RYR3: variants seen among roughly 807,000 people sequenced by gnomAD.
RYR3 encodes the protein brain ryanodine receptor-calcium release channel.
RYR3 carries 207 observed loss-of-function variants against 584.3 expected under a neutral mutation model. The observed-to-expected ratio is 0.35, with a 90% confidence interval of 0.32 to 0.40. The LOEUF (loss-of-function observed/expected upper bound fraction) is 0.40, where lower values mean the gene tolerates loss of function less well. Among genes scored for constraint, RYR3 ranks in the 10% least tolerant of loss-of-function variants. RYR3 has a pLI of 1.00. For missense variants in RYR3, 5,616 were observed against 6,089.2 expected (o/e 0.92, Z 2.59); for synonymous variants, 2,416 against 2,248.5 (o/e 1.07, Z -2.11).
chr15:33,401,669 C>T lies in RYR3; in HGVS notation c.52-71750C>T, dbSNP rs572392706. 1.6e-4 allele frequency among the ~76,000 whole-genome samples: 24 copies of T among 152,312 alleles called. 1 individual carries two copies. Among genetic ancestry groups the T allele is most frequent in the Non-Finnish European group, 2.8e-4 (19 of 68,032 alleles). ...GAAAAAGGATATGTCACCTTTAAGACGTGGACCACCATTTAACAGTTTTGA... is the reference window on the plus strand; with the variant it reads ...GAAAAAGGATATGTCACCTTTAAGATGTGGACCACCATTTAACAGTTTTGA... On this transcript the variant is annotated intron_variant, in intron 1 of 103. Transcript: ENST00000634891.
Position 33,838,558 on chromosome 15 carries a change from TG to T in RYR3, c.12582del (p.Leu4195TyrfsTer26), listed in dbSNP as rs1567288688. On this transcript the variant is annotated frameshift_variant, in exon 89 of 104. Transcript: ENST00000634891. LOFTEE classifies it high-confidence loss of function. ...VLFSFFWMLF[V>X]GLFQLLFTIL... ...TTCTCCTTTTTCTGGATGCTGTTCGTGGGGCTATTCCAGTTGCTCTTCACCA... is the reference window on the plus strand; with the variant it reads ...TTCTCCTTTTTCTGGATGCTGTTCGTGGGCTATTCCAGTTGCTCTTCACCA... The T allele has an allele frequency of 1.2e-6, 2 of 1,613,928 alleles. No individual in the cohort carries two copies. Among genetic ancestry groups the T allele is most frequent in the Non-Finnish European group, 1.7e-6 (2 of 1,179,868 alleles).
intron 72 of RYR3, among the ~76,000 whole-genome samples, chr15:33,811,403 G>T (rs543408919): frequency 6.6e-6 from 1 of 152,000 alleles, no homozygotes; most frequent in African/African-American, 2.4e-5. Flanking sequence ...TACTTGGGAG[G>T]CTGAGGCAGA....
At chr15:33,559,208 G>A (rs2057272120) in intron 10 of RYR3, among the ~76,000 whole-genome samples, 1 of 152,086 alleles carries the variant, frequency 6.6e-6, no homozygotes, top group South Asian at 2.1e-4. Context: ...CCCTGGAAAG[G>A]ACAGTCCGTT....
At chr15:33,469,321 T>C (rs968432955) in intron 1 of RYR3, among the ~76,000 whole-genome samples, 3 of 152,086 alleles carry the variant, frequency 2.0e-5, no homozygotes, top group African/African-American at 7.2e-5. Context: ...GATGATAGTT[T>C]GGAAATGTGG....
intron 43 of RYR3, among the ~76,000 whole-genome samples, chr15:33,716,712 CT>C (rs1567012983): frequency 6.6e-6 from 1 of 152,212 alleles, no homozygotes. Flanking sequence ...TCCAAGGCCC[CT>C]GTGGGATTCC....
intron 62 of RYR3, among the ~76,000 whole-genome samples, chr15:33,770,369 T>G (rs890228128): frequency 1.3e-5 from 2 of 152,142 alleles, no homozygotes; most frequent in African/African-American, 4.8e-5. Flanking sequence ...TTTTGTTTGT[T>G]TGTTTTATTT....
chr15:33,762,068 C>A (rs999085426), intron 60 of RYR3, among the ~76,000 whole-genome samples: 2 of 152,154 alleles, frequency 1.3e-5, no homozygotes, highest in Admixed American at 6.6e-5. Context: ...CCCCTTCATG[C>A]TAAAAACACT....
intron 1 of RYR3, among the ~76,000 whole-genome samples, chr15:33,368,526 G>A (rs2141068961): frequency 6.6e-6 from 1 of 152,074 alleles, no homozygotes; most frequent in Middle Eastern, 3.4e-3. Flanking sequence ...ATCTTCCCAA[G>A]GCTGTTGAAG....
At chr15:33,859,320 T>C (rs2080083980) in intron 99 of RYR3, among the ~76,000 whole-genome samples, 2 of 152,240 alleles carry the variant, frequency 1.3e-5, no homozygotes, top group Non-Finnish European at 2.9e-5. Context: ...TTAACTTATA[T>C]ACACCTTTAA....
intron 43 of RYR3, among the ~76,000 whole-genome samples, chr15:33,714,315 CTCTT>C (rs1257980959): frequency 2.6e-5 from 4 of 152,126 alleles, no homozygotes; most frequent in East Asian, 1.9e-4. Context: ...AATTAGAAAA[CTCTT>C]TCTAACATTA....
At chr15:33,528,074 A>T (rs1021352666) in intron 3 of RYR3, among the ~76,000 whole-genome samples, 1 of 151,178 alleles carries the variant, frequency 6.6e-6, no homozygotes, top group Non-Finnish European at 1.5e-5. Flanking sequence ...GAATGAGACT[A>T]TTTTTTTTTC....
At chr15:33,425,652 T>TTTC (rs1264035156) in intron 1 of RYR3, among the ~76,000 whole-genome samples, 1 of 131,256 alleles carries the variant, frequency 7.6e-6, no homozygotes, top group Non-Finnish European at 1.7e-5. Flanking sequence ...TTTTTTTTTT[T>TTTC]TTTTTTTGAG....
intron 3 of RYR3, among the ~76,000 whole-genome samples, 176 bp downstream of exon 3, chr15:33,503,914 T>C (rs959510040): frequency 6.6e-6 from 1 of 152,244 alleles, no homozygotes; most frequent in African/African-American, 2.4e-5. Context: ...ACCCTACTTC[T>C]GCTTCCTCTG....
intron 1 of RYR3, among the ~76,000 whole-genome samples, chr15:33,327,443 T>C (rs888869679): frequency 6.6e-6 from 1 of 152,340 alleles, no homozygotes; most frequent in Admixed American, 6.5e-5. Flanking sequence ...CTACCCTCGC[T>C]CTGGCCCTTT....
Position 33,539,393 on chromosome 15 carries a change from G to A in RYR3, c.477G>A (p.Arg159=), listed in dbSNP as rs1319518595. 1.9e-6 allele frequency: 3 copies of A among 1,602,248 alleles called. No individual in the cohort carries two copies. The highest frequency in any genetic ancestry group is 2.6e-6 in the Non-Finnish European group (3 of 1,174,116). The change falls in exon 6 of 104, where the codon AGG becomes AGA. Residue 159 remains arginine, a synonymous_variant. Coordinates refer to ENST00000634891, the MANE Select transcript of RYR3 (RefSeq NM_001036.6). ...WWTIHPASKQ[R]SEGEKVRIGD... Reference sequence around the variant, plus strand: ...CTATACATCCTGCTTCCAAACAGAGGTCCGAAGGAGAGAAAGTTCGAATTG... The same window carrying A: ...CTATACATCCTGCTTCCAAACAGAGATCCGAAGGAGAGAAAGTTCGAATTG...
chr15:33,528,387 G>A (rs2054574791), intron 3 of RYR3, among the ~76,000 whole-genome samples: 1 of 152,128 alleles, frequency 6.6e-6, no homozygotes, highest in Non-Finnish European at 1.5e-5. Context: ...TTGCCCACAT[G>A]TGCTCCTCTC....
At chr15:33,500,816 G>A (rs2051912585) in intron 2 of RYR3, among the ~76,000 whole-genome samples, 1 of 152,162 alleles carries the variant, frequency 6.6e-6, no homozygotes, top group Admixed American at 6.5e-5. Flanking sequence ...TGTGGAGGTG[G>A]GAGTTCAGGC....
intron 78 of RYR3, 62 bp downstream of exon 78, chr15:33,820,874 G>T: frequency 8.9e-7 from 1 of 1,127,242 alleles, no homozygotes. Context: ...CAGGCCTTCA[G>T]AGGTGGGTGC....
At chr15:33,738,190 C>T (rs7161828) in intron 49 of RYR3, among the ~76,000 whole-genome samples, 12,402 of 152,104 alleles carry the variant, frequency 0.082, 1,710 homozygotes, top group African/African-American at 0.28. Flanking sequence ...CTCTCCATTT[C>T]CTAGTAACTG....
Sources: allele counts gnomAD v4.1 joint callset (sites outside exome capture counted in the v4.1 genomes callset), GRCh38; gene constraint gnomAD v4.1.1; transcripts MANE v1.5; gene names NCBI Gene and HGNC (gene_info 2026-07-23, HGNC 2026-07-21).